Variants in ATP13A5 observed in about 807,000 individuals in gnomAD.
ATP13A5 encodes ATPase 13A5, also known as probable cation-transporting ATPase 13A5.
Under a neutral mutation model 150.2 loss-of-function variants are expected in ATP13A5, and 149 were observed. The ratio of observed to expected loss-of-function variants is 0.99; its 90% CI spans 0.87 to 1.14. ATP13A5 has a LOEUF of 1.14. ATP13A5 is among the 50% of genes most tolerant of loss of function. The pLI, the probability that ATP13A5 is intolerant of heterozygous loss-of-function variation, is 0.00. For synonymous variants in ATP13A5, 497 were observed against 522.2 expected (o/e 0.95, Z 0.66); for missense variants, 1,383 against 1,449.3 (o/e 0.95, Z 0.74).
chr3:193,308,363 G>A (rs1452722009), intron 21 of ATP13A5, among the ~76,000 whole-genome samples: 1 of 152,174 alleles, frequency 6.6e-6, no homozygotes, highest in Non-Finnish European at 1.5e-5. Context: ...GGAGGCTGAG[G>A]CAGGGGGATT....
At chr3:193,280,850 C>A (rs1432400689) in intron 27 of ATP13A5, among the ~76,000 whole-genome samples, 1 of 152,164 alleles carries the variant, frequency 6.6e-6, no homozygotes, top group African/African-American at 2.4e-5. Context: ...TTCTCTTACA[C>A]TCTACCTCAT....
At position 193,327,060 on chromosome 3, in the gene ATP13A5, G is replaced by C; in HGVS notation, c.1462-3C>G. 5.0e-6 allele frequency: 8 copies of C among 1,602,736 alleles called. No individual in the cohort carries two copies. The highest frequency in any genetic ancestry group is 6.8e-6 in the Non-Finnish European group (8 of 1,177,308). On this transcript the variant is annotated splice_region_variant and splice_polypyrimidine_tract_variant and intron_variant, in intron 12 of 29. Coordinates refer to ENST00000342358, the MANE Select transcript of ATP13A5 (RefSeq NM_198505.4). Reference sequence around the variant, plus strand: ...CCATCTTCAGTGAGAGTGCCAGTCTGAGTAAAAATTAAAAGCAATATTAGC... The same window carrying C: ...CCATCTTCAGTGAGAGTGCCAGTCTCAGTAAAAATTAAAAGCAATATTAGC...
At chr3:193,375,900 T>C (rs1256014203) in intron 1 of ATP13A5, among the ~76,000 whole-genome samples, 1 of 152,190 alleles carries the variant, frequency 6.6e-6, no homozygotes, top group Admixed American at 6.5e-5. Context: ...TTGAAGGAGT[T>C]CATTATTTGC....
At chr3:193,356,969 C>A (rs563288762) in intron 5 of ATP13A5, among the ~76,000 whole-genome samples, 5 of 152,240 alleles carry the variant, frequency 3.3e-5, no homozygotes, top group Middle Eastern at 3.4e-3. Context: ...GCCCACACTA[C>A]CACACCTGGC....
chr3:193,300,720 G>A (rs1009107846), intron 24 of ATP13A5, among the ~76,000 whole-genome samples: 6 of 151,980 alleles, frequency 3.9e-5, no homozygotes, highest in Non-Finnish European at 7.4e-5. Context: ...AAGAATTTCC[G>A]ATTCTTTACT....
intron 12 of ATP13A5, among the ~76,000 whole-genome samples, chr3:193,328,280 T>G (rs57703463): frequency 1.6e-4 from 25 of 152,156 alleles, no homozygotes; most frequent in African/African-American, 6.0e-4. Context: ...AAGAAAACTT[T>G]GTTTCATTCA....
chr3:193,275,174 C>A lies in ATP13A5; in HGVS notation c.3525G>T (p.Arg1175Ser), dbSNP rs1381035575. 7 of 1,614,078 alleles carry A rather than the reference C, an allele frequency of 4.3e-6. No individual in the cohort carries two copies. The African/African-American group carries it at 8.0e-5, about 18-fold the overall frequency. Residue 1175 changes from arginine (R) to serine (S), a missense_variant, in exon 30 of 30, where the codon AGG becomes AGT. Physicochemically the swap from Arg to Ser is moderately radical, Grantham distance 110. Around this residue, in one of 3 missense-constraint regions of ATP13A5, gnomAD observed 568 missense variants for 621.5 expected, o/e 0.91. Coordinates refer to ENST00000342358, the MANE Select transcript of ATP13A5 (RefSeq NM_198505.4). The stretch of plus-strand genomic sequence containing the variant: ...TTTTGCCATCACCTGAATAATCTGT[C>A]CTGTTTATGGGAGGCCAGGTTGAGT... ...AEDSTWPPIN[R>S]TDYSGDGKNG... is the part of the protein sequence containing the mutation.
In ATP13A5 at chr3:193,318,972, C is replaced by T. The variant is rs1206982474; in HGVS notation, c.2033+19G>A. ...ATGGGCACAGAGCCTGCTCTAGTGC[C>T]AATTTCTGAATTGCTTACCTGGCTA... On this transcript the variant is annotated intron_variant, in intron 17 of 29. Coordinates refer to ENST00000342358, the MANE Select transcript of ATP13A5 (RefSeq NM_198505.4). 5 of 1,581,328 alleles carry T rather than the reference C, an allele frequency of 3.2e-6. No individual in the cohort carries two copies. In the South Asian group the frequency reaches 3.3e-5, roughly 11 times the overall value.
chr3:193,305,519 C>T, intron 23 of ATP13A5, 40 bp downstream of exon 23: 1 of 1,458,926 alleles, frequency 6.9e-7, no homozygotes, highest in South Asian at 1.1e-5. Context: ...AGACAATGGG[C>T]CCATTGATTG....
intron 27 of ATP13A5, among the ~76,000 whole-genome samples, chr3:193,284,675 G>C (rs1717642880): frequency 6.6e-6 from 1 of 152,152 alleles, no homozygotes; most frequent in African/African-American, 2.4e-5. Flanking sequence ...AATGATTCTT[G>C]ATGACTCACA....
chr3:193,358,424 C>G (rs1193658292), intron 5 of ATP13A5, among the ~76,000 whole-genome samples: 2 of 152,184 alleles, frequency 1.3e-5, no homozygotes, highest in African/African-American at 2.4e-5. Context: ...TATAGCACAA[C>G]AAGAGTGCTG....
intron 23 of ATP13A5, among the ~76,000 whole-genome samples, chr3:193,303,822 T>G (rs986872200): frequency 2.6e-5 from 4 of 151,686 alleles, no homozygotes; most frequent in Admixed American, 2.6e-4. Context: ...CACACACACA[T>G]ATTTATATAT....
At position 193,339,214 on chromosome 3, in the gene ATP13A5, T is replaced by A. The variant is rs150208543; in HGVS notation, c.944-4115A>T. ...CCGGATTCATTGATTTTTTTAAGGG[T>A]TTTTTGTGTCTCTATTTCCTTCAGT... is the stretch of plus-strand genomic sequence containing the variant. On this transcript the variant is annotated intron_variant, in intron 9 of 29. Transcript: ENST00000342358. 5.8e-3 allele frequency among the ~76,000 whole-genome samples: 877 copies of A among 152,212 alleles called. 13 individuals are homozygous for A. Among genetic ancestry groups the A allele is most frequent in the Middle Eastern group, 0.024 (7 of 294 alleles).
At chr3:193,283,402 G>A (rs1297985236) in intron 27 of ATP13A5, among the ~76,000 whole-genome samples, 1 of 127,640 alleles carries the variant, frequency 7.8e-6, no homozygotes, top group African/African-American at 3.1e-5. Context: ...AAATAAATGA[G>A]AAACAGCAAT....
At position 193,351,109 on chromosome 3, in the gene ATP13A5, CA is replaced by C; in HGVS notation, c.698del (p.Leu233Ter). 6.2e-7 allele frequency: 1 copy of C among 1,613,708 alleles called. No individual in the cohort carries two copies. Among genetic ancestry groups the C allele is most frequent in the African/African-American group, 1.3e-5 (1 of 75,022 alleles). On this transcript the variant is annotated frameshift_variant, in exon 7 of 30. Coordinates refer to ENST00000342358, the MANE Select transcript of ATP13A5 (RefSeq NM_198505.4). LOFTEE classifies it high-confidence loss of function. ...YIEYSVAIIILTVISIVLSVY... is the reference protein window; with the variant it reads ...YIEYSVAIIIXTVISIVLSVY... ...CACTTAAGACAATGGAGATAACAGTCAAAATGATGATGGCCACAGAGTATTC... is the reference window on the plus strand; with the variant it reads ...CACTTAAGACAATGGAGATAACAGTCAAATGATGATGGCCACAGAGTATTC...
At chr3:193,353,469 T>G (rs374307838) in intron 6 of ATP13A5, among the ~76,000 whole-genome samples, 51 of 152,326 alleles carry the variant, frequency 3.3e-4, no homozygotes, top group African/African-American at 1.2e-3. Context: ...TCCTCAATAA[T>G]TATAGAAATA....
intron 16 of ATP13A5, 50 bp downstream of exon 16, chr3:193,321,631 A>C: frequency 3.1e-6 from 5 of 1,595,086 alleles, no homozygotes; most frequent in Non-Finnish European, 4.3e-6. Flanking sequence ...ATTCTGTCTC[A>C]AAGAAAAAAC....
intron 18 of ATP13A5, 68 bp from the exon 19 acceptor site, chr3:193,314,261 C>T (rs1406486608): frequency 1.3e-6 from 2 of 1,501,102 alleles, no homozygotes; most frequent in African/African-American, 2.8e-5. Context: ...ACTGAGGTCT[C>T]CCTTTTCCAC....
intron 13 of ATP13A5, among the ~76,000 whole-genome samples, chr3:193,325,840 T>C (rs1221642204): frequency 2.0e-5 from 3 of 152,328 alleles, no homozygotes; most frequent in Non-Finnish European, 2.9e-5. Context: ...TAGTTGTTTC[T>C]AGTCTCCGAA....
Sources: gnomAD v4.1 joint callset for allele counts (sites outside exome capture counted in the v4.1 genomes callset) on GRCh38, gnomAD v4.1.1 for gene constraint, gnomAD v4.1.1 regional missense constraint, MANE v1.5 for transcripts, NCBI Gene and HGNC (gene_info 2026-07-23, HGNC 2026-07-21) for gene names.